Variants in SPINT2 observed in about 807,000 individuals in gnomAD.
SPINT2 encodes the protein serine peptidase inhibitor, Kunitz type 2, also known as kunitz-type protease inhibitor 2.
Under a neutral mutation model 30.1 loss-of-function variants are expected in SPINT2, and 18 were observed. The ratio of observed to expected loss-of-function variants is 0.60; its 90% CI spans 0.41 to 0.89. The LOEUF (loss-of-function observed/expected upper bound fraction) is 0.89. Ranked by LOEUF, SPINT2 falls within the 40% of genes least tolerant of loss-of-function variation. The probability of loss-of-function intolerance (pLI) is 0.00; values close to 1 mark genes in which losing one functional copy is unlikely to be tolerated. For synonymous variants in SPINT2, 139 were observed against 137.9 expected (o/e 1.01, Z -0.05); for missense variants, 276 against 334.3 (o/e 0.83, Z 1.36).
chr19:38,275,552 T>A (rs1235721192), intron 1 of SPINT2, among the ~76,000 whole-genome samples: 1 of 152,084 alleles, frequency 6.6e-6, no homozygotes, highest in Non-Finnish European at 1.5e-5. Context: ...CTTGAAATCC[T>A]GACCACAGGT....
intron 1 of SPINT2, among the ~76,000 whole-genome samples, chr19:38,270,518 A>G (rs1427627470): frequency 6.6e-6 from 1 of 152,214 alleles, no homozygotes; most frequent in African/African-American, 2.4e-5. Context: ...AGATGAATGT[A>G]TGTCTGGTGA....
At chr19:38,279,775 T>C (rs1461545365) in intron 1 of SPINT2, among the ~76,000 whole-genome samples, 1 of 152,154 alleles carries the variant, frequency 6.6e-6, no homozygotes, top group Non-Finnish European at 1.5e-5. Flanking sequence ...TGCCTCAGCT[T>C]CCTGAGTAGC....
At chr19:38,289,853 C>A in intron 4 of SPINT2, 1 of 529,418 alleles carries the variant, frequency 1.9e-6, no homozygotes, top group Non-Finnish European at 3.4e-6. Context: ...CCAGATAGGT[C>A]TCATAGAGAC....
chr19:38,274,414 G>T (rs1968492795), intron 1 of SPINT2, among the ~76,000 whole-genome samples: 1 of 152,068 alleles, frequency 6.6e-6, no homozygotes, highest in Non-Finnish European at 1.5e-5. Context: ...CATGTCTGGG[G>T]ATTTTTATAG....
chr19:38,278,464 T>C (rs1017374043), intron 1 of SPINT2, among the ~76,000 whole-genome samples: 2 of 152,212 alleles, frequency 1.3e-5, no homozygotes, highest in African/African-American at 4.8e-5. Context: ...ATTCACAGTT[T>C]TATTGTGACC....
At chr19:38,283,005 T>A (rs1242085504) in intron 1 of SPINT2, among the ~76,000 whole-genome samples, 1 of 53,692 alleles carries the variant, frequency 1.9e-5, no homozygotes, top group Non-Finnish European at 4.3e-5. Flanking sequence ...TTTTGTTTTG[T>A]TTTTTTTTTT....
At chr19:38,274,714 G>A (rs1373648454) in intron 1 of SPINT2, among the ~76,000 whole-genome samples, 2 of 152,004 alleles carry the variant, frequency 1.3e-5, no homozygotes, top group African/African-American at 4.8e-5. Context: ...TACTCAGGAG[G>A]CTGAGGCAGG....
intron 1 of SPINT2, among the ~76,000 whole-genome samples, chr19:38,273,161 T>C (rs1369348219): frequency 6.6e-6 from 1 of 151,594 alleles, no homozygotes; most frequent in African/African-American, 2.4e-5. Context: ...ATACCTGAGG[T>C]TTTTTTTTGA....
At chr19:38,271,255 G>A (rs1274422947) in intron 1 of SPINT2, among the ~76,000 whole-genome samples, 1 of 152,122 alleles carries the variant, frequency 6.6e-6, no homozygotes, top group Non-Finnish European at 1.5e-5. Flanking sequence ...ACTTTGGGAG[G>A]CCGAGGCAGG....
chr19:38,289,277 A>T (rs1414776792), intron 4 of SPINT2, 86 bp downstream of exon 4: 17 of 1,141,512 alleles, frequency 1.5e-5, no homozygotes, highest in Non-Finnish European at 2.1e-5. Context: ...TCACGAGGTC[A>T]GGATATCAAG....
intron 1 of SPINT2, among the ~76,000 whole-genome samples, chr19:38,282,443 C>T (rs2063704162): frequency 6.6e-6 from 1 of 152,166 alleles, no homozygotes; most frequent in East Asian, 1.9e-4. Context: ...CAGGAGCAGA[C>T]ATGGAGCCAC....
chr19:38,290,444 C>T lies in SPINT2; in HGVS notation c.554-93C>T. On this transcript the variant is annotated intron_variant, in intron 5 of 6. Transcript: ENST00000301244. This position sits in a 1 kb window ranked among gnomAD's most constrained non-coding sequence, Gnocchi z 4.3. ...CTGGAAGAAAGCCCCTCAGAAAGAG[C>T]TCCCCATGGAGGCCCTGGCTGAGGG... 6.2e-7 allele frequency: 1 copy of T among 1,607,416 alleles called. No homozygotes were observed. The highest frequency in any genetic ancestry group is 8.5e-7 in the Non-Finnish European group (1 of 1,175,806).
rs576047179 is a variant in SPINT2, at chr19:38,291,920, C to T, written c.673C>T (p.Arg225Trp). The part of the protein sequence containing the change: ...ASMVYLIRVA[R>W]RNQERALRTV... ...CATGGTCTACCTGATCCGGGTGGCA[C>T]GGAGGAACCAGGAGCGTGCCCTGCG... Residue 225 changes from arginine (R) to tryptophan (W), a missense_variant, in exon 7 of 7, where the codon CGG becomes TGG. Arg to Trp is a moderately radical substitution (Grantham distance 101). Coordinates refer to ENST00000301244, the MANE Select transcript of SPINT2 (RefSeq NM_021102.4). 40 of 1,614,066 alleles carry T rather than the reference C, an allele frequency of 2.5e-5. 1 individual carries two copies. The South Asian group carries it at 2.7e-4, about 11-fold the overall frequency.
At chr19:38,272,800 A>G (rs916541861) in intron 1 of SPINT2, among the ~76,000 whole-genome samples, 7 of 152,000 alleles carry the variant, frequency 4.6e-5, no homozygotes, top group Non-Finnish European at 8.8e-5. Flanking sequence ...GCTCACTGCA[A>G]CCTCCACCTT....
intron 1 of SPINT2, among the ~76,000 whole-genome samples, chr19:38,274,127 G>A (rs1270094372): frequency 1.3e-5 from 2 of 151,978 alleles, no homozygotes; most frequent in East Asian, 1.9e-4. Context: ...GCTACTTGGA[G>A]GCTGAGGTGG....
chr19:38,291,813 G>A (rs371584531), intron 6 of SPINT2, 27 bp from the exon 7 acceptor site: 46 of 1,610,528 alleles, frequency 2.9e-5, no homozygotes, highest in African/African-American at 4.0e-5. Flanking sequence ...TGCCTGGCCC[G>A]TCCTGAGGCC....
chr19:38,266,933 G>C (rs1968385737), intron 1 of SPINT2, among the ~76,000 whole-genome samples: 1 of 152,068 alleles, frequency 6.6e-6, no homozygotes, highest in Non-Finnish European at 1.5e-5. Flanking sequence ...CTGGCCTCTT[G>C]CTACCTCTGG....
intron 1 of SPINT2, among the ~76,000 whole-genome samples, chr19:38,268,895 G>T (rs1271610349): frequency 6.6e-6 from 1 of 151,776 alleles, no homozygotes; most frequent in Non-Finnish European, 1.5e-5. Flanking sequence ...GTATTTGGAG[G>T]GTCCTGAAAT....
intron 3 of SPINT2, 179 bp downstream of exon 3, chr19:38,288,114 GT>G: frequency 1.4e-6 from 1 of 696,538 alleles, no homozygotes; most frequent in Non-Finnish European, 2.6e-6. Flanking sequence ...TTATGGGGGA[GT>G]TTATACTGTC....
Sources: allele counts gnomAD v4.1 joint callset (sites outside exome capture counted in the v4.1 genomes callset), GRCh38; gene constraint gnomAD v4.1.1; non-coding constraint Gnocchi (gnomAD v3.1); transcripts MANE v1.5; gene names NCBI Gene and HGNC (gene_info 2026-07-23, HGNC 2026-07-21).